The following PCDH15 variants were observed in gnomAD, a reference collection of about 807,000 sequenced individuals.
PCDH15 encodes the protein protocadherin related 15, also known as protocadherin-15.
A neutral mutation model predicts 178.5 loss-of-function variants in PCDH15; 129 were observed. The ratio of observed to expected loss-of-function variants is 0.72; its 90% CI spans 0.63 to 0.84. The LOEUF (loss-of-function observed/expected upper bound fraction) is 0.84. Among genes scored for constraint, PCDH15 ranks in the 40% least tolerant of loss-of-function variants. The probability of loss-of-function intolerance (pLI) is 0.00; values close to 1 mark genes in which losing one functional copy is unlikely to be tolerated. For synonymous variants in PCDH15, 800 were observed against 732.0 expected, an observed-to-expected ratio of 1.09 and a Z score of -1.50; for missense variants, 2,230 against 2,099.9, an observed-to-expected ratio of 1.06 and a Z score of -1.21.
intron 3 of PCDH15, among the ~76,000 whole-genome samples, chr10:54,466,714 C>G (rs1207369420): frequency 6.6e-6 from 1 of 151,622 alleles, no homozygotes; most frequent in Non-Finnish European, 1.5e-5. Context: ...TTGCCATTGG[C>G]GTTTTGATAG....
chr10:53,950,529 A>G (rs955915967), intron 23 of PCDH15, among the ~76,000 whole-genome samples: 2 of 152,172 alleles, frequency 1.3e-5, no homozygotes, highest in African/African-American at 4.8e-5. Context: ...AAATTGTGTA[A>G]TATAATGCAT....
intron 3 of PCDH15, among the ~76,000 whole-genome samples, chr10:54,814,572 C>A (rs185077748): frequency 2.0e-5 from 3 of 152,148 alleles, no homozygotes; most frequent in Admixed American, 6.5e-5. Context: ...AATGACAAGT[C>A]CTTATTGTAA....
At chr10:54,696,099 T>C (rs909884451) in intron 1 of PCDH15, among the ~76,000 whole-genome samples, 2 of 152,054 alleles carry the variant, frequency 1.3e-5, no homozygotes, top group African/African-American at 4.8e-5. Flanking sequence ...TCTTCTTATG[T>C]ATCTGGGCAA....
intron 5 of PCDH15, among the ~76,000 whole-genome samples, chr10:54,364,388 A>T (rs553383603): frequency 6.6e-6 from 1 of 151,924 alleles, no homozygotes; most frequent in Admixed American, 6.6e-5. Context: ...GTATTTATTG[A>T]TTTTAAGCTC....
intron 2 of PCDH15, among the ~76,000 whole-genome samples, chr10:55,391,509 T>C (rs1837792037): frequency 6.6e-6 from 1 of 151,898 alleles, no homozygotes; most frequent in Non-Finnish European, 1.5e-5. Context: ...GGTGGGGGGA[T>C]GGAGTCTTGC....
intron 1 of PCDH15, among the ~76,000 whole-genome samples, chr10:55,222,850 G>C (rs528152521): frequency 1.3e-4 from 19 of 150,924 alleles, no homozygotes; most frequent in African/African-American, 4.4e-4. Context: ...TAAAATTTGG[G>C]CATCTTGAAT....
intron 3 of PCDH15, among the ~76,000 whole-genome samples, chr10:54,807,880 T>A (rs1054251902): frequency 1.3e-5 from 2 of 151,524 alleles, no homozygotes; most frequent in Non-Finnish European, 2.9e-5. Flanking sequence ...TTTAAAATTA[T>A]CTTCATCACT....
chr10:53,864,070 G>T (rs899581322), intron 27 of PCDH15, among the ~76,000 whole-genome samples: 37 of 152,156 alleles, frequency 2.4e-4, no homozygotes, highest in African/African-American at 8.2e-4. Context: ...AGTGATTACT[G>T]ACCAAAGCAA....
At chr10:54,438,010 G>A (rs1181886407) in intron 3 of PCDH15, among the ~76,000 whole-genome samples, 7 of 152,006 alleles carry the variant, frequency 4.6e-5, no homozygotes, top group Non-Finnish European at 2.9e-5. Context: ...AAAATTGAAA[G>A]ACAATAAATC....
intron 1 of PCDH15, among the ~76,000 whole-genome samples, chr10:55,303,303 G>A (rs1315589370): frequency 6.6e-6 from 1 of 152,098 alleles, no homozygotes; most frequent in Admixed American, 6.6e-5. Flanking sequence ...ATTACTGAAG[G>A]GTTTGGGCTG....
At chr10:54,819,700 A>T (rs1591719642) in intron 3 of PCDH15, among the ~76,000 whole-genome samples, 1 of 152,146 alleles carries the variant, frequency 6.6e-6, no homozygotes, top group Non-Finnish European at 1.5e-5. Context: ...ATACATTATT[A>T]AAAAATTACA....
intron 8 of PCDH15, among the ~76,000 whole-genome samples, chr10:54,245,503 C>T (rs1473319983): frequency 1.3e-5 from 2 of 152,104 alleles, no homozygotes; most frequent in African/African-American, 4.8e-5. Flanking sequence ...TTACCAGATA[C>T]ATCTTTGGTC....
chr10:54,690,065 G>A (rs1228960098), intron 1 of PCDH15, among the ~76,000 whole-genome samples: 1 of 152,026 alleles, frequency 6.6e-6, no homozygotes, highest in East Asian at 1.9e-4. Flanking sequence ...TGTTAATAAT[G>A]GACCACATAT....
At chr10:55,593,492 T>G (rs1268056979) in intron 2 of PCDH15, among the ~76,000 whole-genome samples, 1 of 151,918 alleles carries the variant, frequency 6.6e-6, no homozygotes, top group Non-Finnish European at 1.5e-5. Flanking sequence ...ACACTTTATC[T>G]GACAAAAGAG....
At chr10:55,338,606 A>G (rs1020434157) in intron 2 of PCDH15, among the ~76,000 whole-genome samples, 2 of 152,094 alleles carry the variant, frequency 1.3e-5, no homozygotes, top group Non-Finnish European at 2.9e-5. Context: ...TGTCTCTACT[A>G]AAAATATAAA....
chr10:55,614,335 A>G (rs1255244807), intron 2 of PCDH15, among the ~76,000 whole-genome samples: 1 of 152,178 alleles, frequency 6.6e-6, no homozygotes, highest in Non-Finnish European at 1.5e-5. Context: ...TAGAGATTGT[A>G]ATGAATTCAA....
intron 6 of PCDH15, among the ~76,000 whole-genome samples, chr10:54,330,637 T>C (rs957446916): frequency 2.6e-5 from 4 of 151,900 alleles, no homozygotes; most frequent in Admixed American, 6.6e-5. Flanking sequence ...TTCTCTGCCC[T>C]GTCTAGGACT....
chr10:55,040,372 C>T (rs948497993), intron 2 of PCDH15, among the ~76,000 whole-genome samples: 1 of 152,030 alleles, frequency 6.6e-6, no homozygotes. Context: ...CTATGAACTA[C>T]AGGCCCAGAC....
chr10:55,627,917 C>T (rs1564491307), exon 1 of PCDH15: 3 of 152,728 alleles, frequency 2.0e-5, no homozygotes, highest in African/African-American at 7.2e-5. Flanking sequence ...AGCAGCAGAT[C>T]CTTCCCTTTT....
Sources: gnomAD v4.1 joint callset for allele counts (sites outside exome capture counted in the v4.1 genomes callset) on GRCh38, gnomAD v4.1.1 for gene constraint, MANE v1.5 for transcripts, NCBI Gene and HGNC (gene_info 2026-07-23, HGNC 2026-07-21) for gene names.